CDKN2A: variants seen among roughly 807,000 people sequenced by gnomAD.
CDKN2A encodes the protein cyclin dependent kinase inhibitor 2A.
CDKN2A carries 3 observed loss-of-function variants against 11.1 expected under a neutral mutation model. The ratio of observed to expected loss-of-function variants is 0.27; its 90% CI spans 0.12 to 0.70. The LOEUF (loss-of-function observed/expected upper bound fraction) is 0.70, where lower values mean the gene tolerates loss of function less well. CDKN2A is among the 30% of genes least tolerant of loss of function. The pLI is 0.77. For missense variants in CDKN2A, 265 were observed against 233.6 expected (o/e 1.13, Z -0.88); for synonymous variants, 122 against 108.1 (o/e 1.13, Z -0.80).
chr9:21,980,434 T>G (rs1820143397), intron 2 of CDKN2A, among the ~76,000 whole-genome samples: 1 of 152,170 alleles, frequency 6.6e-6, no homozygotes, highest in African/African-American at 2.4e-5. Flanking sequence ...ATTCCATGAT[T>G]TATATTGTTT....
At position 21,971,990 on chromosome 9, in the gene CDKN2A, C is replaced by G. The variant is rs3731246; in HGVS notation, c.151-782G>C. On this transcript the variant is annotated intron_variant, in intron 1 of 2. Coordinates refer to ENST00000304494, the MANE Select transcript of CDKN2A (RefSeq NM_000077.5). ...TCCCATCTTAACTGAGGCTTTATAT[C>G]TTGATTACCATCTCCCCATTCCTCC... Among the ~76,000 whole-genome samples the G allele has an allele frequency of 0.11, 16,784 of 152,068 alleles. 950 individuals carry two copies. Among genetic ancestry groups the G allele is most frequent in the African/African-American group, 0.15 (6,029 of 41,450 alleles).
In CDKN2A at chr9:21,988,573, A is replaced by T. The variant is rs2131137708; in HGVS notation, c.-4+5309T>A. Among the ~76,000 whole-genome samples, 1 of 152,268 alleles carries T rather than the reference A, an allele frequency of 6.6e-6. No homozygotes were observed. The highest frequency in any genetic ancestry group is 6.5e-5 in the Admixed American group (1 of 15,300). On this transcript the variant is annotated intron_variant, in intron 2 of 3. Transcript: ENST00000494262. The surrounding 1 kb of genome is among the most constrained non-coding windows in gnomAD (Gnocchi z 4.1). Reference sequence around the variant, plus strand: ...CAAATGCTAATTGGACATAAATATGAGAACAATAGACATTGGGGACTACTA... The same window carrying T: ...CAAATGCTAATTGGACATAAATATGTGAACAATAGACATTGGGGACTACTA...
chr9:21,976,806 A>G (rs576330052), upstream of CDKN2A, among the ~76,000 whole-genome samples: 49 of 152,348 alleles, frequency 3.2e-4, no homozygotes, highest in Admixed American at 9.8e-4. Context: ...ACCCTCACTT[A>G]CAAAGAAAAG....
chr9:21,987,396 A>AACACACACACACAC (rs375380204), intron 2 of CDKN2A, among the ~76,000 whole-genome samples: 1,056 of 89,730 alleles, frequency 0.012, 12 homozygotes, highest in Middle Eastern at 0.026. Context: ...CCCTTATTAC[A>AACACACACACACAC]ACACACACAC....
At chr9:21,992,138 A>C in intron 2 of CDKN2A, 5 of 818,940 alleles carry the variant, frequency 6.1e-6, no homozygotes, top group Non-Finnish European at 7.4e-6. Flanking sequence ...GCAGAAACTT[A>C]AAAAAAGTTA....
chr9:21,992,262 C>G, intron 2 of CDKN2A: 1 of 939,650 alleles, frequency 1.1e-6, no homozygotes, highest in Non-Finnish European at 1.3e-6. Flanking sequence ...TATATATTCC[C>G]AAATCAATAT....
chr9:21,984,800 A>G (rs566206968), intron 2 of CDKN2A, among the ~76,000 whole-genome samples: 1 of 152,032 alleles, frequency 6.6e-6, no homozygotes, highest in Admixed American at 6.5e-5. Flanking sequence ...TGCCCCTCTA[A>G]AAAACTATCC....
chr9:21,984,497 A>G (rs893369802), intron 2 of CDKN2A, among the ~76,000 whole-genome samples: 66 of 152,112 alleles, frequency 4.3e-4, no homozygotes, highest in Non-Finnish European at 3.7e-4. Context: ...TTCATTCTTG[A>G]TAGGACAGAT....
chr9:21,990,814 C>T (rs538621602), intron 2 of CDKN2A, among the ~76,000 whole-genome samples: 4 of 152,296 alleles, frequency 2.6e-5, no homozygotes, highest in African/African-American at 9.6e-5. Context: ...TGATTTCTTG[C>T]TACTACTTAT....
chr9:21,991,295 G>GT lies in CDKN2A; in HGVS notation c.-4+2586dup, dbSNP rs58206096. Among the ~76,000 whole-genome samples, 9,924 of 141,184 alleles carry GT rather than the reference G, an allele frequency of 0.07. 508 individuals are homozygous for GT. The highest frequency in any genetic ancestry group is 0.14 in the African/African-American group (5,640 of 38,958). 92.6% of individuals were successfully genotyped at this position (141,184 alleles called of 152,430 possible). ...CATACACTTTCTTAAAGTATCATGAGTTTTTTTTTTTTTTTAAGCTCATCA... is the reference window on the plus strand; with the variant it reads ...CATACACTTTCTTAAAGTATCATGAGTTTTTTTTTTTTTTTTAAGCTCATCA... On this transcript the variant is annotated intron_variant, in intron 2 of 3. Coordinates refer to the CDKN2A transcript ENST00000494262. This position sits in a 1 kb window ranked among gnomAD's most constrained non-coding sequence, Gnocchi z 5.2.
rs1244927092 is a variant in CDKN2A, at chr9:21,974,133, C to A, written c.150+545G>T. Among the ~76,000 whole-genome samples, 4 of 152,164 alleles carry A rather than the reference C, an allele frequency of 2.6e-5. No individual in the cohort carries two copies. Among genetic ancestry groups the A allele is most frequent in the African/African-American group, 4.8e-5 (2 of 41,426 alleles). ...TCGAACTCCCGACCTCAGGTGATTCCCCCCGCCTTGATCTCCCAAAGTGAA... is the reference window on the plus strand; with the variant it reads ...TCGAACTCCCGACCTCAGGTGATTCACCCCGCCTTGATCTCCCAAAGTGAA... On this transcript the variant is annotated intron_variant, in intron 1 of 2. Transcript: ENST00000304494. The surrounding 1 kb of genome is among the most constrained non-coding windows in gnomAD (Gnocchi z 5.2).
rs749858570 is a variant in CDKN2A at position 21,968,469 on chromosome 9, G to A, written c.458-227C>T. The A allele has an allele frequency of 5.4e-6, 8 of 1,480,930 alleles. No individual in the cohort carries two copies. The highest frequency in any genetic ancestry group is 2.4e-4 in the Middle Eastern group (1 of 4,092). The allele number at this position is 1,480,930 out of a possible 1,614,324, so 91.7% of individuals were successfully genotyped here. On this transcript the variant is annotated intron_variant, in intron 2 of 2. Coordinates refer to ENST00000304494, the MANE Select transcript of CDKN2A (RefSeq NM_000077.5). The surrounding 1 kb of genome is among the most constrained non-coding windows in gnomAD (Gnocchi z 4.7). Reference sequence around the variant, plus strand: ...TGCTCCAGGCGCGCCGACCGCTCAAGCGCTCCAGGTCCACCCGGCGGAGGG... The same window carrying A: ...TGCTCCAGGCGCGCCGACCGCTCAAACGCTCCAGGTCCACCCGGCGGAGGG...
chr9:21,982,401 A>C (rs1435812305), intron 2 of CDKN2A, among the ~76,000 whole-genome samples: 1 of 152,130 alleles, frequency 6.6e-6, no homozygotes, highest in South Asian at 2.1e-4. Context: ...TACTATTAAA[A>C]TATCTCTAGG....
chr9:21,968,376 G>T lies in CDKN2A; in HGVS notation c.458-134C>A, dbSNP rs934990100. 8.1e-6 allele frequency: 12 copies of T among 1,490,436 alleles called. No homozygotes were observed. In the East Asian group the frequency reaches 2.7e-4, roughly 33 times the overall value. 92.3% of individuals were successfully genotyped at this position (1,490,436 alleles called of 1,614,324 possible). On this transcript the variant is annotated intron_variant, in intron 2 of 2. Coordinates refer to ENST00000304494, the MANE Select transcript of CDKN2A (RefSeq NM_000077.5). This position sits in a 1 kb window ranked among gnomAD's most constrained non-coding sequence, Gnocchi z 4.7. ...TAAAGTTCTCGCAATGGCTTCACGT[G>T]CATGTACCCGCCGCCACCGCTCTCC...
chr9:21,975,806 T>G (rs778695754), upstream of CDKN2A, among the ~76,000 whole-genome samples: 16 of 152,226 alleles, frequency 1.1e-4, 1 homozygote, highest in Non-Finnish European at 2.2e-4. Context: ...GAAGCAGAGT[T>G]GCACAGTGAT....
At chr9:21,978,261 G>A (rs1201299731), upstream of CDKN2A, among the ~76,000 whole-genome samples, 2 of 151,548 alleles carry the variant, frequency 1.3e-5, no homozygotes, top group Admixed American at 6.6e-5. Flanking sequence ...AAAACTTAAA[G>A]TATAAATAAT....
chr9:21,974,573 C>CT lies in CDKN2A; in HGVS notation c.150+104dup. On this transcript the variant is annotated intron_variant, in intron 1 of 2. Transcript: ENST00000304494. The surrounding 1 kb of genome is among the most constrained non-coding windows in gnomAD (Gnocchi z 5.2). ...CTGAAAACTCCCCAGGAAGCCTCCC[C>CT]TTTTTCCGGAGAATCGAAGCGCTAC... 1.2e-6 allele frequency: 2 copies of CT among 1,613,780 alleles called. No homozygotes were observed. Among genetic ancestry groups the CT allele is most frequent in the Non-Finnish European group, 1.7e-6 (2 of 1,180,010 alleles).
chr9:21,977,281 A>AGAAAGT (rs1200738905), upstream of CDKN2A, among the ~76,000 whole-genome samples: 2 of 152,252 alleles, frequency 1.3e-5, no homozygotes, highest in Non-Finnish European at 2.9e-5. Context: ...TGGAGGAGGA[A>AGAAAGT]GAAAGTGGTT....
Position 21,991,699 on chromosome 9 carries a change from C to T in CDKN2A, c.-4+2183G>A, listed in dbSNP as rs535131582. 588 of 981,898 alleles carry T rather than the reference C, an allele frequency of 6.0e-4. 1 individual carries two copies. The highest frequency in any genetic ancestry group is 6.6e-4 in the Non-Finnish European group (545 of 826,788). The allele number at this position is 981,898 out of a possible 1,614,324, so 60.8% of individuals were successfully genotyped here. On this transcript the variant is annotated intron_variant, in intron 2 of 3. Transcript: ENST00000494262. The surrounding 1 kb of genome is among the most constrained non-coding windows in gnomAD (Gnocchi z 5.2). ...TAATAGATCTGTAAACCATCATAGA[C>T]GGTAATAGGCTATGTTGTTGCTACC... is the stretch of plus-strand genomic sequence containing the variant.
Sources: gnomAD v4.1 joint callset for allele counts (sites outside exome capture counted in the v4.1 genomes callset) on GRCh38, gnomAD v4.1.1 for gene constraint, Gnocchi (gnomAD v3.1) non-coding constraint, MANE v1.5 for transcripts, NCBI Gene and HGNC (gene_info 2026-07-23, HGNC 2026-07-21) for gene names.